SLC24A2: variants seen among roughly 807,000 people sequenced by gnomAD.
The protein encoded by SLC24A2 is sodium/potassium/calcium exchanger 2.
In SLC24A2, 36 loss-of-function variants were observed where a neutral mutation model predicts 62.0. That is an observed-to-expected ratio of 0.58 (90% CI 0.44 to 0.77). The LOEUF (loss-of-function observed/expected upper bound fraction) is 0.77, where lower values mean the gene tolerates loss of function less well. SLC24A2 is among the 30% of genes least tolerant of loss of function. The probability of loss-of-function intolerance (pLI) is 0.00; values close to 1 mark genes in which losing one functional copy is unlikely to be tolerated. For synonymous variants in SLC24A2, 358 were observed against 294.0 expected, an observed-to-expected ratio of 1.22 and a Z score of -2.23; for missense variants, 846 against 817.9, an observed-to-expected ratio of 1.03 and a Z score of -0.42.
intron 2 of SLC24A2, among the ~76,000 whole-genome samples, chr9:19,669,084 T>C (rs951148923): frequency 3.9e-5 from 6 of 152,232 alleles, no homozygotes; most frequent in African/African-American, 1.4e-4. Flanking sequence ...TTATATCTTA[T>C]ACGGTATAGT....
the SLC24A2 span, among the ~76,000 whole-genome samples, chr9:20,097,964 G>C: frequency 6.6e-6 from 1 of 151,650 alleles, no homozygotes; most frequent in Non-Finnish European, 1.5e-5. Context: ...GTATGGTCTC[G>C]ATCTCCTGAC....
At chr9:19,784,972 GT>G (rs142779069) in intron 2 of SLC24A2, among the ~76,000 whole-genome samples, 2 of 151,984 alleles carry the variant, frequency 1.3e-5, no homozygotes, top group African/African-American at 4.8e-5. Flanking sequence ...TCAAATATCT[GT>G]TTTTTGCATA....
intron 4 of SLC24A2, among the ~76,000 whole-genome samples, chr9:19,616,514 A>C (rs1421385979): frequency 6.6e-6 from 1 of 152,088 alleles, no homozygotes; most frequent in African/African-American, 2.4e-5. Flanking sequence ...AAATAAACAT[A>C]CTCAGGCCCT....
chr9:19,508,884 A>T lies in SLC24A2; in HGVS notation c.*7269T>A, dbSNP rs1439677205. 1 of 152,216 alleles carries T rather than the reference A, an allele frequency of 6.6e-6. No individual in the cohort carries two copies. The highest frequency in any genetic ancestry group is 1.5e-5 in the Non-Finnish European group (1 of 68,048). The allele number at this position is 152,216 out of a possible 1,614,324, so 9.4% of individuals were successfully genotyped here. A position where few individuals can be genotyped will look rare whatever the true frequency, so the allele number is the denominator to read the frequency against. On this transcript the variant is annotated 3_prime_UTR_variant, in exon 11 of 11. Coordinates refer to ENST00000341998, the MANE Select transcript of SLC24A2 (RefSeq NM_020344.4). ...CATCTTTATATATGTGTGTGTAAAC[A>T]GTGTACCATACTAGGTTAGAAATTG...
the SLC24A2 span, among the ~76,000 whole-genome samples, chr9:20,239,665 C>T: frequency 3.3e-5 from 5 of 152,178 alleles, no homozygotes; most frequent in Non-Finnish European, 5.9e-5. Flanking sequence ...ACCCAGGATC[C>T]ATCATAAGAC....
chr9:19,952,777 T>C, the SLC24A2 span, among the ~76,000 whole-genome samples: 9 of 151,740 alleles, frequency 5.9e-5, no homozygotes, highest in Non-Finnish European at 1.3e-4. Flanking sequence ...TTGGGAAGTA[T>C]TTTCTACACC....
chr9:20,002,895 G>C, the SLC24A2 span, among the ~76,000 whole-genome samples: 2 of 152,152 alleles, frequency 1.3e-5, no homozygotes, highest in Non-Finnish European at 2.9e-5. Flanking sequence ...CCACCTACCT[G>C]TAGGGCTGAC....
At chr9:19,578,633 CCAAA>C (rs1180822213) in intron 5 of SLC24A2, among the ~76,000 whole-genome samples, 1 of 151,864 alleles carries the variant, frequency 6.6e-6, no homozygotes, top group East Asian at 1.9e-4. Context: ...TAGAACCAAA[CCAAA>C]CAAATATGTT....
chr9:19,532,531 A>T (rs1297263999), intron 8 of SLC24A2, among the ~76,000 whole-genome samples: 1 of 152,206 alleles, frequency 6.6e-6, no homozygotes, highest in Non-Finnish European at 1.5e-5. Flanking sequence ...GAATATTTTC[A>T]ATCTGTGATT....
At chr9:19,804,181 A>G in the SLC24A2 span, among the ~76,000 whole-genome samples, 4 of 152,162 alleles carry the variant, frequency 2.6e-5, no homozygotes, top group African/African-American at 9.7e-5. Context: ...TGGGATTCTG[A>G]TAGAAATTGT....
the SLC24A2 span, among the ~76,000 whole-genome samples, chr9:19,931,935 A>C: frequency 2.6e-5 from 4 of 151,966 alleles, no homozygotes; most frequent in Non-Finnish European, 4.4e-5. Context: ...TATTATTATT[A>C]TTTTTAGTTT....
chr9:19,679,750 G>T (rs75354184), intron 2 of SLC24A2, among the ~76,000 whole-genome samples: 1 of 151,764 alleles, frequency 6.6e-6, no homozygotes, highest in African/African-American at 2.4e-5. Context: ...GGCTTTCTTC[G>T]TTCTCCATCT....
At chr9:19,912,509 G>A in the SLC24A2 span, among the ~76,000 whole-genome samples, 1 of 152,074 alleles carries the variant, frequency 6.6e-6, no homozygotes, top group Non-Finnish European at 1.5e-5. Flanking sequence ...CAGTACAACA[G>A]ATGGCCTTCC....
intron 5 of SLC24A2, among the ~76,000 whole-genome samples, chr9:19,582,914 T>C (rs930095865): frequency 6.6e-6 from 1 of 152,108 alleles, no homozygotes; most frequent in South Asian, 2.1e-4. Context: ...CACTCCCCAC[T>C]CCGCACACCC....
At chr9:20,041,757 GC>G in the SLC24A2 span, among the ~76,000 whole-genome samples, 1 of 152,252 alleles carries the variant, frequency 6.6e-6, no homozygotes, top group Non-Finnish European at 1.5e-5. Context: ...TTGGTATCTG[GC>G]CAAATGGCTA....
At chr9:20,207,282 T>A in the SLC24A2 span, among the ~76,000 whole-genome samples, 1 of 152,148 alleles carries the variant, frequency 6.6e-6, no homozygotes, top group Non-Finnish European at 1.5e-5. Context: ...ATCACAATTC[T>A]TTCACATGCC....
rs193076698 is a variant in SLC24A2, at chr9:19,527,679, A to C, written c.1569+370T>G. Among the ~76,000 whole-genome samples, 322 of 152,324 alleles carry C rather than the reference A, an allele frequency of 2.1e-3. 1 individual carries two copies. The highest frequency in any genetic ancestry group is 7.5e-3 in the African/African-American group (310 of 41,566). ...CAGATGCTTTCCTAGAGCCAGTTTT[A>C]AACTGCTGGTGAGAACGTGAGGTGA... is the stretch of plus-strand genomic sequence containing the variant. On this transcript the variant is annotated intron_variant, in intron 9 of 10. Coordinates refer to ENST00000341998, the MANE Select transcript of SLC24A2 (RefSeq NM_020344.4).
the SLC24A2 span, among the ~76,000 whole-genome samples, chr9:20,079,965 T>A: frequency 6.6e-6 from 1 of 151,990 alleles, no homozygotes; most frequent in Non-Finnish European, 1.5e-5. Flanking sequence ...CACTGCTCAA[T>A]GAAATAAAAG....
At chr9:20,088,149 A>G in the SLC24A2 span, among the ~76,000 whole-genome samples, 4 of 152,218 alleles carry the variant, frequency 2.6e-5, no homozygotes, top group East Asian at 5.8e-4. Flanking sequence ...TTGGACCCCC[A>G]TACATACTCC....
Sources: gnomAD v4.1 joint callset for allele counts (sites outside exome capture counted in the v4.1 genomes callset) on GRCh38, gnomAD v4.1.1 for gene constraint, MANE v1.5 for transcripts, NCBI Gene and HGNC (gene_info 2026-07-23, HGNC 2026-07-21) for gene names.